Variants in KLRG1 observed in about 807,000 individuals in gnomAD.
KLRG1 encodes killer cell lectin-like receptor subfamily G member 1.
In KLRG1, 16 loss-of-function variants were observed where a neutral mutation model predicts 21.8. The observed-to-expected ratio is 0.73, with a 90% CI of 0.50 to 1.11. The LOEUF is 1.11. KLRG1 is among the 50% of genes most tolerant of loss of function. The probability of loss-of-function intolerance (pLI) is 0.00; values close to 1 mark genes in which losing one functional copy is unlikely to be tolerated. For synonymous variants in KLRG1, 69 were observed against 75.9 expected (o/e 0.91, Z 0.47); for missense variants, 173 against 218.3 (o/e 0.79, Z 1.31).
At chr12:9,129,407 T>A in the KLRG1 span, among the ~76,000 whole-genome samples, 1 of 152,062 alleles carries the variant, frequency 6.6e-6, no homozygotes, top group African/African-American at 2.4e-5. Context: ...AATCTTTCTC[T>A]GACTATAAAA....
the KLRG1 span, chr12:9,162,621 A>G: frequency 6.3e-7 from 1 of 1,596,840 alleles, no homozygotes; most frequent in South Asian, 1.1e-5. Context: ...ATAGAACTGA[A>G]AGTCTTTTCT....
the KLRG1 span, among the ~76,000 whole-genome samples, chr12:9,177,072 C>T: frequency 6.6e-6 from 1 of 152,122 alleles, no homozygotes; most frequent in African/African-American, 2.4e-5. Flanking sequence ...CAGAATTGCC[C>T]ACAATAATCT....
At chr12:9,113,557 G>A in the KLRG1 span, 263 of 1,608,658 alleles carry the variant, frequency 1.6e-4, 2 homozygotes, top group South Asian at 2.0e-4. Flanking sequence ...GGAATGAGAC[G>A]GTTCAGTTAG....
At chr12:9,012,856 C>A (rs1324525161), downstream of KLRG1, among the ~76,000 whole-genome samples, 3 of 152,060 alleles carry the variant, frequency 2.0e-5, no homozygotes, top group Non-Finnish European at 4.4e-5. Flanking sequence ...CTTGAGGGAA[C>A]ATTAGTGATA....
At chr12:9,174,313 T>C in the KLRG1 span, among the ~76,000 whole-genome samples, 3 of 152,118 alleles carry the variant, frequency 2.0e-5, no homozygotes, top group African/African-American at 7.2e-5. Flanking sequence ...AACTAGGTAT[T>C]GAAGGAACAT....
intron 1 of KLRG1, among the ~76,000 whole-genome samples, chr12:8,957,044 GC>G (rs1032300098): frequency 1.3e-5 from 2 of 152,022 alleles, no homozygotes; most frequent in Admixed American, 6.6e-5. Context: ...CTTGAGCAGG[GC>G]CCCCCCGGCC....
At chr12:8,957,406 C>T (rs1189594445) in intron 1 of KLRG1, among the ~76,000 whole-genome samples, 2 of 152,330 alleles carry the variant, frequency 1.3e-5, no homozygotes, top group African/African-American at 2.4e-5. Flanking sequence ...TGAGTTGCAA[C>T]AGCAAAACTA....
At chr12:9,137,004 CT>C in the KLRG1 span, among the ~76,000 whole-genome samples, 1 of 152,098 alleles carries the variant, frequency 6.6e-6, no homozygotes, top group Non-Finnish European at 1.5e-5. Context: ...TTGATTATTC[CT>C]TTGCTTTGCA....
chr12:9,086,075 A>C, the KLRG1 span, among the ~76,000 whole-genome samples: 10 of 152,354 alleles, frequency 6.6e-5, 1 homozygote, highest in African/African-American at 2.4e-4. Flanking sequence ...TTTAAAAAGA[A>C]TGAATACCAA....
the KLRG1 span, chr12:9,107,420 C>T: frequency 2.2e-6 from 3 of 1,351,396 alleles, no homozygotes; most frequent in Non-Finnish European, 3.0e-6. Flanking sequence ...ACATGGAATT[C>T]TCTTCTAGAT....
intron 3 of KLRG1, among the ~76,000 whole-genome samples, chr12:9,007,807 G>T (rs538421981): frequency 1.3e-5 from 2 of 152,200 alleles, no homozygotes; most frequent in Admixed American, 6.5e-5. Context: ...TATTCCAAAG[G>T]TATTTAACCA....
rs773857632 is a variant in KLRG1, at chr12:8,964,847, T to C, written c.-156+14611T>C. On this transcript the variant is annotated intron_variant, in intron 1 of 4. Coordinates refer to the KLRG1 transcript ENST00000539240. Reference sequence around the variant, plus strand: ...GTTTAAAGTCTGTTTTATCAGAGACTAGGATTGCAACCCCTGCCTTTTTTT... The same window carrying C: ...GTTTAAAGTCTGTTTTATCAGAGACCAGGATTGCAACCCCTGCCTTTTTTT... Among the ~76,000 whole-genome samples the C allele has an allele frequency of 2.2e-4, 33 of 151,644 alleles. 1 individual carries two copies. The East Asian group carries it at 5.4e-3, about 25-fold the overall frequency.
the KLRG1 span, chr12:9,201,174 A>G: frequency 7.0e-7 from 1 of 1,420,778 alleles, no homozygotes; most frequent in Non-Finnish European, 9.7e-7. Flanking sequence ...CAAATACAGA[A>G]GGAAGAGAAA....
chr12:9,008,816 G>A (rs138565792), intron 3 of KLRG1, among the ~76,000 whole-genome samples, 159 bp from the exon 4 acceptor site: 1 of 152,274 alleles, frequency 6.6e-6, no homozygotes, highest in Non-Finnish European at 1.5e-5. Context: ...ATTTTAGGAC[G>A]CATTCAGTCC....
At chr12:8,988,743 CTAATTTTTTTG>C (rs1308430113), upstream of KLRG1, among the ~76,000 whole-genome samples, 1 of 152,030 alleles carries the variant, frequency 6.6e-6, no homozygotes. Context: ...CCACACCCAG[CTAATTTTTTTG>C]TATTTTTAGT....
intron 2 of KLRG1, among the ~76,000 whole-genome samples, chr12:8,993,446 G>A (rs891636158): frequency 1.3e-5 from 2 of 151,854 alleles, no homozygotes; most frequent in Admixed American, 1.3e-4. Context: ...CTGCCACCAC[G>A]CCCAGCTAAT....
the KLRG1 span, chr12:9,160,261 T>C: frequency 1.3e-6 from 2 of 1,487,472 alleles, no homozygotes; most frequent in African/African-American, 2.8e-5. Context: ...TGAAGCTTAA[T>C]TGGGAAAAGT....
the KLRG1 span, chr12:9,166,092 A>T: frequency 1.4e-4 from 220 of 1,611,532 alleles, no homozygotes; most frequent in South Asian, 4.6e-4. Flanking sequence ...TCAGGAAAAT[A>T]GCTTCGCACC....
At chr12:9,118,540 C>T in the KLRG1 span, among the ~76,000 whole-genome samples, 1 of 152,212 alleles carries the variant, frequency 6.6e-6, no homozygotes, top group Non-Finnish European at 1.5e-5. Context: ...CATCAAAAGT[C>T]TACGCCAGTT....
Sources: gnomAD v4.1 joint callset for allele counts (sites outside exome capture counted in the v4.1 genomes callset) on GRCh38, gnomAD v4.1.1 for gene constraint, MANE v1.5 for transcripts, NCBI Gene and HGNC (gene_info 2026-07-23, HGNC 2026-07-21) for gene names.